The following GRK1 variants were observed in gnomAD, a reference collection of about 807,000 sequenced individuals.
GRK1 encodes G protein-coupled receptor kinase 1, also known as rhodopsin kinase GRK1.
In GRK1, 28 loss-of-function variants were observed where a neutral mutation model predicts 41.7. The observed-to-expected ratio is 0.67, with a 90% CI of 0.50 to 0.92. The LOEUF is 0.92. Ranked by LOEUF, GRK1 falls within the 40% of genes least tolerant of loss-of-function variation. GRK1 has a pLI of 0.00. For synonymous variants in GRK1, 327 were observed against 286.7 expected, an observed-to-expected ratio of 1.14 and a Z score of -1.42; for missense variants, 703 against 671.2, an observed-to-expected ratio of 1.05 and a Z score of -0.52.
At chr13:113,658,765 C>G in the GRK1 span, among the ~76,000 whole-genome samples, 1 of 152,228 alleles carries the variant, frequency 6.6e-6, no homozygotes, top group South Asian at 2.1e-4. Context: ...CAGCAATAGC[C>G]TCTTAGATCC....
upstream of GRK1, among the ~76,000 whole-genome samples, chr13:113,663,515 G>A (rs544027080): frequency 5.3e-5 from 8 of 152,274 alleles, no homozygotes; most frequent in African/African-American, 1.9e-4. Flanking sequence ...ATAGAAAGGA[G>A]GCAAAGAGAA....
chr13:113,660,597 G>A, the GRK1 span, among the ~76,000 whole-genome samples: 1 of 152,214 alleles, frequency 6.6e-6, no homozygotes. Context: ...GGGTGTTTTG[G>A]CTCATGCCTG....
intron 4 of GRK1, among the ~76,000 whole-genome samples, chr13:113,728,057 G>C (rs1320989092): frequency 1.4e-5 from 1 of 70,576 alleles, no homozygotes; most frequent in Non-Finnish European, 2.9e-5. Context: ...GCGATGAGGA[G>C]TACCCATGGC....
chr13:113,650,557 G>A, the GRK1 span: 22 of 1,490,976 alleles, frequency 1.5e-5, no homozygotes, highest in African/African-American at 2.1e-4. The surrounding 1 kb of genome is among the most constrained non-coding windows in gnomAD (Gnocchi z 5.0). Flanking sequence ...GGTGTGTGCC[G>A]GTGTCTGTGT....
In GRK1 at chr13:113,672,557, T is replaced by TGACATGTGCTGTGTGTG; in HGVS notation, c.985+901_985+902insGACATGTGCTGTGTGTG. Reference sequence around the variant, plus strand: ...AGGTGTGTATGTAGTCTTTGGTTGTTTTTGTACAGTATATATCAATTCTGT... The same window carrying TGACATGTGCTGTGTGTG: ...AGGTGTGTATGTAGTCTTTGGTTGTTGACATGTGCTGTGTGTGTTTGTACAGTATATATCAATTCTGT... On this transcript the variant is annotated intron_variant, in intron 3 of 6. Coordinates refer to ENST00000335678, the MANE Select transcript of GRK1 (RefSeq NM_002929.3). Among the ~76,000 whole-genome samples the TGACATGTGCTGTGTGTG allele has an allele frequency of 6.0e-4, 3 of 4,996 alleles. 1 individual carries two copies. The highest frequency in any genetic ancestry group is 5.7e-3 in the East Asian group (1 of 176). 3.3% of individuals were successfully genotyped at this position (4,996 alleles called of 152,430 possible). A position where few individuals can be genotyped will look rare whatever the true frequency, so the allele number is the denominator to read the frequency against.
chr13:113,665,528 C>G (rs1015161981), upstream of GRK1, among the ~76,000 whole-genome samples: 1 of 150,998 alleles, frequency 6.6e-6, no homozygotes, highest in Non-Finnish European at 1.5e-5. Context: ...CCAGCTGTAT[C>G]CCAGGTGTGC....
rs985354503 is a variant in GRK1, at chr13:113,731,954, G to T, written c.1194+611G>T. On this transcript the variant is annotated intron_variant, in intron 5 of 6. Coordinates refer to ENST00000335678, the MANE Select transcript of GRK1 (RefSeq NM_002929.3). The surrounding 1 kb of genome is among the most constrained non-coding windows in gnomAD (Gnocchi z 5.6). ...ATGTCCCGGAGTGTGGACACCTAGT[G>T]GGGCTGCTGGGTCTCCCCTGAGTGC... Among the ~76,000 whole-genome samples, 4 of 152,326 alleles carry T rather than the reference G, an allele frequency of 2.6e-5. No homozygotes were observed. Among genetic ancestry groups the T allele is most frequent in the Admixed American group, 2.0e-4 (3 of 15,302 alleles).
At chr13:113,665,313 T>C (rs1451192802), upstream of GRK1, among the ~76,000 whole-genome samples, 2 of 152,156 alleles carry the variant, frequency 1.3e-5, no homozygotes, top group African/African-American at 4.8e-5. Context: ...GACAATCCTA[T>C]TGGTGTGACC....
At chr13:113,727,741 G>A (rs1401106663) in intron 4 of GRK1, among the ~76,000 whole-genome samples, 2 of 115,634 alleles carry the variant, frequency 1.7e-5, no homozygotes, top group Admixed American at 8.0e-5. Flanking sequence ...TACCCATGGC[G>A]ATGAGGACCC....
At chr13:113,729,249 G>A (rs752346010) in intron 4 of GRK1, among the ~76,000 whole-genome samples, 9 of 152,222 alleles carry the variant, frequency 5.9e-5, no homozygotes, top group Non-Finnish European at 8.8e-5. Context: ...ACGTTAGCAA[G>A]ACACCAACAG....
At chr13:113,650,291 C>A in the GRK1 span, 1 of 1,010,000 alleles carries the variant, frequency 9.9e-7, no homozygotes, top group South Asian at 1.4e-5. This position sits in a 1 kb window ranked among gnomAD's most constrained non-coding sequence, Gnocchi z 5.0. Context: ...TCAGGACCGG[C>A]TAAGTCACAC....
chr13:113,653,318 C>G, the GRK1 span: 6 of 1,612,618 alleles, frequency 3.7e-6, no homozygotes, highest in Admixed American at 3.3e-5. Context: ...TTTCACACCT[C>G]ACCTGCTAGG....
At chr13:113,654,653 G>A in the GRK1 span, among the ~76,000 whole-genome samples, 24 of 152,338 alleles carry the variant, frequency 1.6e-4, no homozygotes, top group Admixed American at 3.9e-4. Flanking sequence ...GGCTGCCCTC[G>A]GGGGCACCTG....
intron 6 of GRK1, among the ~76,000 whole-genome samples, chr13:113,734,098 T>C (rs1448029345): frequency 6.6e-6 from 1 of 152,176 alleles, no homozygotes; most frequent in Non-Finnish European, 1.5e-5. Context: ...TCATGCACTT[T>C]TGCATCTGAG....
chr13:113,730,683 A>T (rs566820726), intron 4 of GRK1, among the ~76,000 whole-genome samples: 1 of 152,298 alleles, frequency 6.6e-6, no homozygotes, highest in South Asian at 2.1e-4. Flanking sequence ...CTCTCTGGAG[A>T]GGACACAGCC....
the GRK1 span, among the ~76,000 whole-genome samples, chr13:113,650,114 G>A: frequency 2.0e-5 from 3 of 151,282 alleles, no homozygotes; most frequent in East Asian, 5.8e-4. The surrounding 1 kb of genome is among the most constrained non-coding windows in gnomAD (Gnocchi z 5.0). Flanking sequence ...AATGAGCTAA[G>A]ATGCTAAGAT....
At chr13:113,661,111 A>C in the GRK1 span, among the ~76,000 whole-genome samples, 2 of 152,206 alleles carry the variant, frequency 1.3e-5, no homozygotes, top group Non-Finnish European at 2.9e-5. Flanking sequence ...CCATAAAGGA[A>C]GTCTTAGCAA....
At position 113,667,372 on chromosome 13, in the gene GRK1, G is replaced by A. The variant is rs746167692; in HGVS notation, c.-15G>A. On this transcript the variant is annotated 5_prime_UTR_variant, in exon 1 of 7. Coordinates refer to ENST00000335678, the MANE Select transcript of GRK1 (RefSeq NM_002929.3). This position sits in a 1 kb window ranked among gnomAD's most constrained non-coding sequence, Gnocchi z 7.5. Reference sequence around the variant, plus strand: ...TGATGGGCCCTCACGCCTGAAGCGGGCAGGAAGCTCCGGGATGGATTTCGG... The same window carrying A: ...TGATGGGCCCTCACGCCTGAAGCGGACAGGAAGCTCCGGGATGGATTTCGG... The A allele has an allele frequency of 1.1e-5, 17 of 1,536,300 alleles. No individual in the cohort carries two copies. The Admixed American group carries it at 1.2e-4, about 10-fold the overall frequency.
chr13:113,668,726 G>A (rs1236528473), intron 1 of GRK1, among the ~76,000 whole-genome samples: 3 of 152,240 alleles, frequency 2.0e-5, no homozygotes, highest in Admixed American at 6.5e-5. Flanking sequence ...GTGAGGGGCA[G>A]CGGCTGTGCC....
Sources: gnomAD v4.1 joint callset for allele counts (sites outside exome capture counted in the v4.1 genomes callset) on GRCh38, gnomAD v4.1.1 for gene constraint, Gnocchi (gnomAD v3.1) non-coding constraint, MANE v1.5 for transcripts, NCBI Gene and HGNC (gene_info 2026-07-23, HGNC 2026-07-21) for gene names.